The following NKAIN2 variants were observed in gnomAD, a reference collection of about 807,000 sequenced individuals.
NKAIN2 encodes sodium/potassium transporting ATPase interacting 2.
Under a neutral mutation model 32.6 loss-of-function variants are expected in NKAIN2, and 14 were observed. The ratio of observed to expected loss-of-function variants is 0.43; its 90% CI spans 0.28 to 0.67. NKAIN2 has a LOEUF of 0.67. Ranked by LOEUF, NKAIN2 falls within the 30% of genes least tolerant of loss-of-function variation. The pLI is 0.17. For missense variants in NKAIN2, 198 were observed against 258.3 expected (o/e 0.77, Z 1.60); for synonymous variants, 80 against 87.2 (o/e 0.92, Z 0.46).
At chr6:124,466,967 T>G (rs1016175829) in intron 3 of NKAIN2, among the ~76,000 whole-genome samples, 21 of 152,094 alleles carry the variant, frequency 1.4e-4, no homozygotes, top group Non-Finnish European at 2.2e-4. Flanking sequence ...TAATGCCCTT[T>G]TCATAATTAT....
intron 1 of NKAIN2, among the ~76,000 whole-genome samples, chr6:123,809,971 A>G (rs1201809350): frequency 1.3e-5 from 2 of 152,172 alleles, no homozygotes; most frequent in Admixed American, 1.3e-4. Flanking sequence ...TTTTCATTTC[A>G]TACATTTTTA....
intron 4 of NKAIN2, among the ~76,000 whole-genome samples, chr6:124,736,680 C>T (rs1776962319): frequency 6.6e-6 from 1 of 151,952 alleles, no homozygotes; most frequent in African/African-American, 2.4e-5. Flanking sequence ...TGAATGATAG[C>T]ACATCTGTTT....
At chr6:124,203,890 A>G (rs978709031) in intron 1 of NKAIN2, among the ~76,000 whole-genome samples, 6 of 151,766 alleles carry the variant, frequency 4.0e-5, no homozygotes, top group Non-Finnish European at 8.8e-5. Flanking sequence ...TAAGATGGTA[A>G]TAAGATCATT....
intron 3 of NKAIN2, among the ~76,000 whole-genome samples, chr6:124,527,540 A>G (rs550169901): frequency 1.3e-5 from 2 of 152,234 alleles, no homozygotes; most frequent in African/African-American, 2.4e-5. Context: ...TGAATTCTGC[A>G]TTCATCTGCT....
chr6:124,510,278 A>T (rs1778660426), intron 3 of NKAIN2, among the ~76,000 whole-genome samples: 1 of 152,082 alleles, frequency 6.6e-6, no homozygotes, highest in Non-Finnish European at 1.5e-5. Context: ...TTAAAAATAA[A>T]TTTTCATTTT....
intron 1 of NKAIN2, among the ~76,000 whole-genome samples, chr6:123,913,702 A>C (rs1249771704): frequency 1.3e-5 from 2 of 152,136 alleles, no homozygotes; most frequent in African/African-American, 4.8e-5. Flanking sequence ...CCTGAGATTT[A>C]TATCAAACTT....
At chr6:124,458,648 C>T in intron 3 of NKAIN2, among the ~76,000 whole-genome samples, 1 of 151,910 alleles carries the variant, frequency 6.6e-6, no homozygotes, top group Non-Finnish European at 1.5e-5. Flanking sequence ...ATTGAAAATT[C>T]TATGTTGTCA....
In NKAIN2 at chr6:124,033,257, T is replaced by C. The variant is rs1562319975; in HGVS notation, c.54+229003T>C. Among the ~76,000 whole-genome samples, 5 of 152,218 alleles carry C rather than the reference T, an allele frequency of 3.3e-5. No homozygotes were observed. In the South Asian group the frequency reaches 1.0e-3, roughly 32 times the overall value. The stretch of plus-strand genomic sequence containing the variant: ...AAGATTAGTGTTCTGTTATGTAGAG[T>C]TAATTGTGTTGCATTAATGCCTTAA... On this transcript the variant is annotated intron_variant, in intron 1 of 6. Coordinates refer to ENST00000368417, the MANE Select transcript of NKAIN2 (RefSeq NM_001040214.3).
intron 1 of NKAIN2, among the ~76,000 whole-genome samples, chr6:123,812,915 ATC>A (rs765793184): frequency 1.1e-3 from 166 of 152,384 alleles, no homozygotes; most frequent in Non-Finnish European, 1.6e-3. Flanking sequence ...CTTTGTGTGC[ATC>A]TGTATTATTC....
At chr6:124,674,741 G>GT (rs139904223) in intron 4 of NKAIN2, among the ~76,000 whole-genome samples, 4 of 151,818 alleles carry the variant, frequency 2.6e-5, no homozygotes, top group East Asian at 1.9e-4. Flanking sequence ...TTTCTAACAG[G>GT]TTTTTTTGTG....
chr6:124,587,869 G>A (rs1282130639), intron 3 of NKAIN2, among the ~76,000 whole-genome samples: 1 of 152,120 alleles, frequency 6.6e-6, no homozygotes, highest in Non-Finnish European at 1.5e-5. Flanking sequence ...TGCTCATATT[G>A]CCAATCAACA....
chr6:124,574,222 C>T (rs185303690), intron 3 of NKAIN2, among the ~76,000 whole-genome samples: 2 of 152,052 alleles, frequency 1.3e-5, no homozygotes, highest in East Asian at 3.9e-4. Flanking sequence ...TCATGGATGC[C>T]AATGCTATAT....
intron 3 of NKAIN2, among the ~76,000 whole-genome samples, chr6:124,507,909 A>G (rs935572388): frequency 2.6e-5 from 4 of 152,308 alleles, no homozygotes; most frequent in Non-Finnish European, 4.4e-5. Context: ...TATGTTTAGG[A>G]AACAGACTCA....
At chr6:124,027,769 C>T (rs1781182025) in intron 1 of NKAIN2, among the ~76,000 whole-genome samples, 1 of 152,110 alleles carries the variant, frequency 6.6e-6, no homozygotes, top group Non-Finnish European at 1.5e-5. Context: ...GTCACCACTA[C>T]CCTGACTCAA....
At chr6:124,277,206 C>A (rs561010485) in intron 1 of NKAIN2, among the ~76,000 whole-genome samples, 2 of 152,170 alleles carry the variant, frequency 1.3e-5, no homozygotes, top group Admixed American at 6.5e-5. Flanking sequence ...TAGAAATTAG[C>A]CATACTTGAC....
chr6:124,776,301 T>C (rs1335613572), intron 4 of NKAIN2, among the ~76,000 whole-genome samples: 2 of 152,206 alleles, frequency 1.3e-5, no homozygotes, highest in African/African-American at 4.8e-5. Flanking sequence ...CACTGGCTTC[T>C]TGCTGACAGT....
At chr6:124,579,481 G>A (rs570763230) in intron 3 of NKAIN2, among the ~76,000 whole-genome samples, 1 of 152,208 alleles carries the variant, frequency 6.6e-6, no homozygotes, top group Admixed American at 6.5e-5. Flanking sequence ...AGTCTCTTAA[G>A]AGCAGAATTG....
At chr6:124,170,410 C>T (rs1788785473) in intron 1 of NKAIN2, among the ~76,000 whole-genome samples, 1 of 152,064 alleles carries the variant, frequency 6.6e-6, no homozygotes, top group African/African-American at 2.4e-5. Context: ...TTTCTATTTA[C>T]CCTAACCTGA....
intron 3 of NKAIN2, among the ~76,000 whole-genome samples, chr6:124,656,162 AG>A (rs1171953280): frequency 6.6e-6 from 1 of 152,158 alleles, no homozygotes; most frequent in East Asian, 1.9e-4. Context: ...TTTCCCCCAC[AG>A]GGCTCCCCAT....
Sources: gnomAD v4.1 joint callset for allele counts (sites outside exome capture counted in the v4.1 genomes callset) on GRCh38, gnomAD v4.1.1 for gene constraint, MANE v1.5 for transcripts, NCBI Gene and HGNC (gene_info 2026-07-23, HGNC 2026-07-21) for gene names.